The following ATF1 variants were observed in gnomAD, a reference collection of about 807,000 sequenced individuals.
The protein encoded by ATF1 is cyclic AMP-dependent transcription factor ATF-1.
ATF1 carries 16 observed loss-of-function variants against 34.7 expected under a neutral mutation model. The ratio of observed to expected loss-of-function variants is 0.46; its 90% CI spans 0.31 to 0.70. ATF1 has a LOEUF of 0.70. ATF1 is among the 30% of genes least tolerant of loss of function. ATF1 has a pLI of 0.05. For missense variants in ATF1, 255 were observed against 321.6 expected, an observed-to-expected ratio of 0.79 and a Z score of 1.58; for synonymous variants, 105 against 113.1, an observed-to-expected ratio of 0.93 and a Z score of 0.46.
chr12:50,769,575 A>G (rs569746827), intron 1 of ATF1, among the ~76,000 whole-genome samples: 40 of 152,288 alleles, frequency 2.6e-4, no homozygotes, highest in African/African-American at 9.6e-4. Context: ...TCTTTGGATT[A>G]TATTTACATA....
At chr12:50,767,887 T>C (rs1254583701) in intron 1 of ATF1, among the ~76,000 whole-genome samples, 1 of 151,890 alleles carries the variant, frequency 6.6e-6, no homozygotes, top group African/African-American at 2.4e-5. Context: ...TTTTTTTTTT[T>C]TTTGAGATGG....
chr12:50,771,223 C>G (rs943853268), intron 1 of ATF1, among the ~76,000 whole-genome samples: 1 of 152,110 alleles, frequency 6.6e-6, no homozygotes, highest in Non-Finnish European at 1.5e-5. Context: ...CCAGGCTGGC[C>G]TCGAACTCCT....
chr12:50,806,527 C>G (rs1045092574), intron 3 of ATF1: 3 of 226,048 alleles, frequency 1.3e-5, no homozygotes, highest in Non-Finnish European at 2.9e-5. Context: ...GCTGCACAGG[C>G]CAAGGCACAG....
intron 3 of ATF1, among the ~76,000 whole-genome samples, chr12:50,801,378 T>G (rs573532342): frequency 6.6e-6 from 1 of 152,298 alleles, no homozygotes; most frequent in Admixed American, 6.5e-5. Flanking sequence ...AATTAAATTT[T>G]GAAAAGTCTT....
chr12:50,802,397 C>T lies in ATF1; in HGVS notation c.194+6388C>T, dbSNP rs191709821. 8.9e-4 allele frequency among the ~76,000 whole-genome samples: 136 copies of T among 152,152 alleles called. 1 individual carries two copies. The East Asian group carries it at 0.021, about 23-fold the overall frequency. On this transcript the variant is annotated intron_variant, in intron 3 of 6. Transcript: ENST00000262053. ...AAAATTAGCCAGGCCTGGTGGCACG[C>T]GCCTGTAGTTCCAGCTCCTCAGGAT...
intron 1 of ATF1, among the ~76,000 whole-genome samples, chr12:50,777,395 A>G (rs1335786008): frequency 1.3e-5 from 2 of 151,854 alleles, no homozygotes; most frequent in Non-Finnish European, 2.9e-5. Flanking sequence ...ATTTGAGGGG[A>G]AAAAAAATTT....
At chr12:50,769,872 T>G (rs1257870575) in intron 1 of ATF1, among the ~76,000 whole-genome samples, 1 of 152,202 alleles carries the variant, frequency 6.6e-6, no homozygotes, top group Non-Finnish European at 1.5e-5. Flanking sequence ...TTGGAAATTG[T>G]AACATTAGAA....
chr12:50,780,335 GTTTTTGT>G (rs1941029036), intron 2 of ATF1, 97 bp downstream of exon 2: 2 of 1,169,986 alleles, frequency 1.7e-6, no homozygotes, highest in Non-Finnish European at 2.4e-6. Context: ...TTTTATTTTG[GTTTTTGT>G]TTTTTGGGTT....
At chr12:50,773,870 G>A (rs962406767) in intron 1 of ATF1, among the ~76,000 whole-genome samples, 5 of 152,242 alleles carry the variant, frequency 3.3e-5, no homozygotes, top group East Asian at 3.9e-4. Context: ...GATTACAGGT[G>A]TGAGTCACCA....
intron 3 of ATF1, among the ~76,000 whole-genome samples, chr12:50,797,736 G>T (rs1941436820): frequency 6.6e-6 from 1 of 152,118 alleles, no homozygotes; most frequent in African/African-American, 2.4e-5. Flanking sequence ...CTCCCAAAGT[G>T]TTGCTATTAC....
intron 3 of ATF1, among the ~76,000 whole-genome samples, chr12:50,799,034 C>A (rs1941464876): frequency 6.6e-6 from 1 of 152,150 alleles, no homozygotes; most frequent in African/African-American, 2.4e-5. Flanking sequence ...GGAACCACAA[C>A]CCACAGAAGG....
chr12:50,802,230 A>C (rs1941525571), intron 3 of ATF1, among the ~76,000 whole-genome samples: 1 of 152,236 alleles, frequency 6.6e-6, no homozygotes, highest in Non-Finnish European at 1.5e-5. Flanking sequence ...AAGAAACAGA[A>C]CACATATACT....
At chr12:50,779,472 T>G (rs1941005871) in intron 1 of ATF1, among the ~76,000 whole-genome samples, 1 of 152,180 alleles carries the variant, frequency 6.6e-6, no homozygotes, top group African/African-American at 2.4e-5. Flanking sequence ...TGAGGTGATA[T>G]TTCGTTGTAG....
At chr12:50,769,595 T>C (rs1468615125) in intron 1 of ATF1, among the ~76,000 whole-genome samples, 3 of 152,202 alleles carry the variant, frequency 2.0e-5, no homozygotes, top group African/African-American at 4.8e-5. Flanking sequence ...AACTGTATTA[T>C]TGGTATATGT....
chr12:50,763,738 G>A (rs1242881178), upstream of ATF1: 1 of 151,488 alleles, frequency 6.6e-6, no homozygotes, highest in Non-Finnish European at 1.5e-5. Context: ...AGGTCAATTG[G>A]CAGGTGAGTT....
upstream of ATF1, chr12:50,764,029 A>T (rs1940558032): frequency 6.6e-6 from 1 of 151,880 alleles, no homozygotes; most frequent in African/African-American, 2.4e-5. Context: ...AACGCACACT[A>T]GTGCTCAGTT....
chr12:50,769,668 A>G (rs1459862832), intron 1 of ATF1, among the ~76,000 whole-genome samples: 1 of 152,194 alleles, frequency 6.6e-6, no homozygotes, highest in Non-Finnish European at 1.5e-5. Flanking sequence ...TAATAATTAT[A>G]ATTGTTATGC....
chr12:50,812,936 T>C (rs1369392106), intron 4 of ATF1, among the ~76,000 whole-genome samples: 1 of 152,018 alleles, frequency 6.6e-6, no homozygotes, highest in Non-Finnish European at 1.5e-5. Flanking sequence ...TGAAAAAAAA[T>C]ATTTTTCCAT....
chr12:50,803,021 G>A (rs1412207566), intron 3 of ATF1, among the ~76,000 whole-genome samples: 2 of 152,030 alleles, frequency 1.3e-5, no homozygotes, highest in East Asian at 3.9e-4. Context: ...AGCACTTTGG[G>A]AGGCCAAGGT....
Sources: allele counts gnomAD v4.1 joint callset (sites outside exome capture counted in the v4.1 genomes callset), GRCh38; gene constraint gnomAD v4.1.1; transcripts MANE v1.5; gene names NCBI Gene and HGNC (gene_info 2026-07-23, HGNC 2026-07-21).